Variants in CFAP96 observed in about 807,000 individuals in gnomAD.
CFAP96 encodes the protein cilia and flagella associated protein 96.
At chr4:185,445,412 T>G in the CFAP96 span, 1 of 942,216 alleles carries the variant, frequency 1.1e-6, no homozygotes, top group Non-Finnish European at 1.7e-6. Context: ...ATGAGTCATT[T>G]GAGATGAGTT....
At chr4:185,444,956 C>T in the CFAP96 span, 51 of 1,540,760 alleles carry the variant, frequency 3.3e-5, no homozygotes, top group Non-Finnish European at 4.5e-5. Flanking sequence ...TCTCGTTTTT[C>T]TTCGCAGCCT....
chr4:185,435,094 G>A, the CFAP96 span, among the ~76,000 whole-genome samples: 3 of 152,122 alleles, frequency 2.0e-5, no homozygotes, highest in South Asian at 2.1e-4. Flanking sequence ...TAGTGCTTGC[G>A]TTAAATCACA....
the CFAP96 span, among the ~76,000 whole-genome samples, chr4:185,425,073 T>C: frequency 1.3e-5 from 2 of 152,168 alleles, no homozygotes; most frequent in South Asian, 2.1e-4. Flanking sequence ...AGGCCAAGGA[T>C]GGTAAGAGTG....
At chr4:185,416,421 A>C in the CFAP96 span, among the ~76,000 whole-genome samples, 1 of 152,148 alleles carries the variant, frequency 6.6e-6, no homozygotes, top group Non-Finnish European at 1.5e-5. Context: ...CAAATACTGA[A>C]CTCTACTTTG....
At chr4:185,443,985 T>C in the CFAP96 span, among the ~76,000 whole-genome samples, 66,371 of 76,574 alleles carry the variant, frequency 0.87, 29,421 homozygotes, top group East Asian at 0.99. Context: ...CTCGCTCTGT[T>C]GCCCAGGCCG....
chr4:185,418,071 C>CACACACA, the CFAP96 span, among the ~76,000 whole-genome samples: 24 of 151,818 alleles, frequency 1.6e-4, no homozygotes, highest in South Asian at 3.3e-3. Context: ...CACACACAAA[C>CACACACA]AACAGAACCA....
chr4:185,426,063 G>A, the CFAP96 span: 2 of 625,752 alleles, frequency 3.2e-6, no homozygotes, highest in Admixed American at 5.8e-5. Flanking sequence ...GGGGCGGGTA[G>A]CCGAAGACTT....
chr4:185,429,167 C>A, the CFAP96 span, among the ~76,000 whole-genome samples: 2 of 152,096 alleles, frequency 1.3e-5, no homozygotes, highest in African/African-American at 4.8e-5. Context: ...ATTTTGAATC[C>A]CAGTATTCTC....
At chr4:185,411,921 C>T in the CFAP96 span, among the ~76,000 whole-genome samples, 1 of 152,094 alleles carries the variant, frequency 6.6e-6, no homozygotes, top group Admixed American at 6.6e-5. Flanking sequence ...ATACTAAAAG[C>T]GACATTGCTG....
the CFAP96 span, among the ~76,000 whole-genome samples, chr4:185,416,480 A>G: frequency 1.3e-5 from 2 of 152,180 alleles, no homozygotes; most frequent in Non-Finnish European, 2.9e-5. Flanking sequence ...TTTACACTAA[A>G]CTTATTTCGC....
At chr4:185,444,871 C>T in the CFAP96 span, 9 of 1,232,030 alleles carry the variant, frequency 7.3e-6, no homozygotes, top group East Asian at 2.3e-4. Flanking sequence ...ACCAACTCCA[C>T]AGACTACAAA....
At chr4:185,425,938 T>G in the CFAP96 span, 1 of 1,553,932 alleles carries the variant, frequency 6.4e-7, no homozygotes, top group East Asian at 2.4e-5. Flanking sequence ...CCTGAAGTGG[T>G]GTCACCGCAC....
At chr4:185,437,125 G>A in the CFAP96 span, among the ~76,000 whole-genome samples, 3 of 152,224 alleles carry the variant, frequency 2.0e-5, no homozygotes, top group Non-Finnish European at 2.9e-5. Context: ...GAGTGGAGGC[G>A]TGATGGGAAA....
chr4:185,440,624 C>A, the CFAP96 span: 5 of 1,530,000 alleles, frequency 3.3e-6, no homozygotes, highest in South Asian at 4.9e-5. Context: ...TGACGCTAAT[C>A]CTTATTTTTC....
the CFAP96 span, among the ~76,000 whole-genome samples, chr4:185,436,689 G>T: frequency 7.1e-6 from 1 of 141,406 alleles, no homozygotes; most frequent in East Asian, 2.3e-4. Flanking sequence ...CAGCCTCGGT[G>T]ACAGAACGAG....
chr4:185,419,879 A>G, the CFAP96 span, among the ~76,000 whole-genome samples: 1 of 152,214 alleles, frequency 6.6e-6, no homozygotes, highest in Admixed American at 6.5e-5. Flanking sequence ...ACATCTGTGC[A>G]TAAGTTCAGT....
chr4:185,445,160 C>G, the CFAP96 span: 1 of 1,524,734 alleles, frequency 6.6e-7, no homozygotes, highest in Middle Eastern at 1.7e-4. Context: ...AGCTTACAAA[C>G]TAAGAAAAAA....
chr4:185,418,596 C>A, the CFAP96 span: 1 of 1,612,968 alleles, frequency 6.2e-7, no homozygotes, highest in Non-Finnish European at 8.5e-7. Flanking sequence ...CTGAATAAAG[C>A]GCAGTATGTT....
chr4:185,433,913 A>C, the CFAP96 span, among the ~76,000 whole-genome samples: 1 of 150,450 alleles, frequency 6.6e-6, no homozygotes, highest in African/African-American at 2.5e-5. Context: ...CAAAACAACA[A>C]AACAAAAAAA....
Sources: gnomAD v4.1 joint callset for allele counts (sites outside exome capture counted in the v4.1 genomes callset) on GRCh38, gnomAD v4.1.1 for gene constraint, MANE v1.5 for transcripts, NCBI Gene and HGNC (gene_info 2026-07-23, HGNC 2026-07-21) for gene names.